Variants in PLAC9 observed in about 807,000 individuals in gnomAD.
PLAC9 encodes the protein placenta-specific protein 9.
In PLAC9, 12 loss-of-function variants were observed where a neutral mutation model predicts 11.5. That is an observed-to-expected ratio of 1.05 (90% CI 0.67 to 1.69). PLAC9 has a LOEUF of 1.69. Among genes scored for constraint, PLAC9 ranks in the 40% most tolerant of loss-of-function variants. PLAC9 has a pLI of 0.00. For missense variants in PLAC9, 132 were observed against 130.5 expected, an observed-to-expected ratio of 1.01 and a Z score of -0.06; for synonymous variants, 62 against 58.1, an observed-to-expected ratio of 1.07 and a Z score of -0.31.
chr10:80,132,610 T>C (rs1471605010), upstream of PLAC9: 6 of 545,490 alleles, frequency 1.1e-5, no homozygotes, highest in Non-Finnish European at 1.8e-5. Context: ...CCGAGGGGCC[T>C]CTGGAGGGGG....
At position 80,135,042 on chromosome 10, in the gene PLAC9, T is replaced by C. The variant is rs557225203; in HGVS notation, c.64+2216T>C. On this transcript the variant is annotated intron_variant, in intron 1 of 3. Transcript: ENST00000372263. The stretch of plus-strand genomic sequence containing the variant: ...TATTTATTTATTTATTTATTTGAGA[T>C]GGAGTCTCGCTCTGTCTCCCAGGCT... 1.9e-4 allele frequency among the ~76,000 whole-genome samples: 17 copies of C among 88,836 alleles called. No individual in the cohort carries two copies. The South Asian group carries it at 2.5e-3, about 13-fold the overall frequency. The allele number at this position is 88,836 out of a possible 152,430, so 58.3% of individuals were successfully genotyped here.
chr10:80,145,339 G>A lies in PLAC9; in HGVS notation c.*429G>A, dbSNP rs1845091321. 4.1e-6 allele frequency: 1 copy of A among 244,318 alleles called. No individual in the cohort carries two copies. The allele number at this position is 244,318 out of a possible 1,614,324, so 15.1% of individuals were successfully genotyped here. ...GGGATTTTATGTGTCCATTAAAGTGGTTTGTTGTTGTTTTTAAAAATTTTT... is the reference window on the plus strand; with the variant it reads ...GGGATTTTATGTGTCCATTAAAGTGATTTGTTGTTGTTTTTAAAAATTTTT... On this transcript the variant is annotated 3_prime_UTR_variant, in exon 4 of 4. Coordinates refer to ENST00000372263, the MANE Select transcript of PLAC9 (RefSeq NM_001012973.3).
rs1303986628 is a variant in PLAC9, at chr10:80,132,799, C to T, written c.37C>T (p.Leu13=). The T allele has an allele frequency of 4.0e-6, 6 of 1,498,930 alleles. No homozygotes were observed. The highest frequency in any genetic ancestry group is 5.3e-6 in the Non-Finnish European group (6 of 1,131,798). The allele number at this position is 1,498,930 out of a possible 1,614,324, so 92.9% of individuals were successfully genotyped here. Residue 13 remains leucine (L), a synonymous_variant, in exon 1 of 4, where the codon CTG becomes TTG. Transcript: ENST00000372263. ...PLLCALTGLA[L]LRAAGSLAAA... ...GCTCTGCGCGCTGACCGGACTGGCC[C>T]TGCTCCGCGCCGCGGGCTCTTTGGC... is the stretch of plus-strand genomic sequence containing the variant.
chr10:80,132,311 G>A (rs1412939497), upstream of PLAC9, among the ~76,000 whole-genome samples: 2 of 152,172 alleles, frequency 1.3e-5, no homozygotes, highest in African/African-American at 2.4e-5. Flanking sequence ...AAACTCCCAG[G>A]AGACAGGGGT....
intron 1 of PLAC9, among the ~76,000 whole-genome samples, chr10:80,135,318 G>C (rs1488850568): frequency 2.5e-5 from 3 of 121,798 alleles, no homozygotes; most frequent in East Asian, 4.9e-4. Flanking sequence ...CACTGCGCCC[G>C]GCCTTTTTTT....
At chr10:80,132,918 C>T (rs1844929836) in intron 1 of PLAC9, 92 bp downstream of exon 1, 4 of 1,131,560 alleles carry the variant, frequency 3.5e-6, no homozygotes, top group East Asian at 3.1e-5. Context: ...GGAGAGAGAG[C>T]TGGACACAGC....
At chr10:80,142,206 C>A in intron 2 of PLAC9, 27 bp downstream of exon 2, 3 of 1,560,168 alleles carry the variant, frequency 1.9e-6, no homozygotes, top group Non-Finnish European at 2.6e-6. Flanking sequence ...GAAGGACATG[C>A]GAGTTCAGGA....
chr10:80,139,870 C>A (rs548488378), intron 1 of PLAC9, among the ~76,000 whole-genome samples: 1 of 152,040 alleles, frequency 6.6e-6, no homozygotes. Flanking sequence ...ATTACAGGCA[C>A]GAGCTACCAT....
At position 80,142,313 on chromosome 10, in the gene PLAC9, C is replaced by G. The variant is rs558306147; in HGVS notation, c.162+134C>G. 2.9e-4 allele frequency: 190 copies of G among 665,678 alleles called. No homozygotes were observed. The African/African-American group carries it at 3.1e-3, about 11-fold the overall frequency. 41.2% of individuals were successfully genotyped at this position (665,678 alleles called of 1,614,324 possible). On this transcript the variant is annotated intron_variant, in intron 2 of 3. Coordinates refer to ENST00000372263, the MANE Select transcript of PLAC9 (RefSeq NM_001012973.3). The stretch of plus-strand genomic sequence containing the variant: ...CCTGCCCTGTGGCCACCTCGTCCAA[C>G]ATCACCCTCCCATCTAGGCTGCCGG...
chr10:80,136,575 G>A (rs147929840), intron 1 of PLAC9, among the ~76,000 whole-genome samples: 3 of 152,136 alleles, frequency 2.0e-5, no homozygotes, highest in Admixed American at 6.5e-5. Context: ...GGGCTCAAGC[G>A]ATTCTCCCGC....
At position 80,144,987 on chromosome 10, in the gene PLAC9, G is replaced by A. The variant is rs115345620; in HGVS notation, c.*77G>A. 3.3e-6 allele frequency: 5 copies of A among 1,512,054 alleles called. No individual in the cohort carries two copies. The highest frequency in any genetic ancestry group is 2.4e-5 in the East Asian group (1 of 41,238). The allele number at this position is 1,512,054 out of a possible 1,614,324, so 93.7% of individuals were successfully genotyped here. ...CCCACAGAACCAGCCCTGTCCTCTC[G>A]ACTTCCTTCCTTAGCTTCATGTGAA... On this transcript the variant is annotated 3_prime_UTR_variant, in exon 4 of 4. Coordinates refer to ENST00000372263, the MANE Select transcript of PLAC9 (RefSeq NM_001012973.3).
intron 2 of PLAC9, among the ~76,000 whole-genome samples, chr10:80,142,626 A>C (rs987467485): frequency 2.0e-5 from 3 of 152,236 alleles, no homozygotes; most frequent in African/African-American, 7.2e-5. Flanking sequence ...CTAGTTATGA[A>C]TATCTCAACA....
intron 1 of PLAC9, among the ~76,000 whole-genome samples, chr10:80,137,913 TAAA>T (rs1233192428): frequency 1.2e-4 from 13 of 112,288 alleles, no homozygotes; most frequent in Non-Finnish European, 1.1e-4. Flanking sequence ...AGACCCTGTC[TAAA>T]AAAAAAAAAA....
chr10:80,145,173 C>A lies in PLAC9; in HGVS notation c.*263C>A. The A allele has an allele frequency of 3.2e-6, 2 of 616,352 alleles. No individual in the cohort carries two copies. Among genetic ancestry groups the A allele is most frequent in the Admixed American group, 3.0e-5 (1 of 33,844 alleles). 38.2% of individuals were successfully genotyped at this position (616,352 alleles called of 1,614,324 possible). The stretch of plus-strand genomic sequence containing the variant: ...CTGTCATTTATAGGGGCAGATGGAG[C>A]AGGGGTTGATTCACACAGATGGGGG... On this transcript the variant is annotated 3_prime_UTR_variant, in exon 4 of 4. Transcript: ENST00000372263.
rs1340174117 is a variant in PLAC9 at position 80,144,247 on chromosome 10, C to T, written c.187C>T (p.Leu63=). The T allele has an allele frequency of 3.7e-6, 6 of 1,614,140 alleles. No individual in the cohort carries two copies. In the South Asian group the frequency reaches 5.5e-5, roughly 15 times the overall value. The change falls in exon 3 of 4, where the codon CTG becomes TTG. Residue 63 remains leucine (L), a synonymous_variant. Coordinates refer to ENST00000372263, the MANE Select transcript of PLAC9 (RefSeq NM_001012973.3). Reference sequence around the variant, plus strand: ...GATGGTAGAGAAGACCGTGGATCACCTGGGGACAGAGGTGAAAGGCCTGCT... The same window carrying T: ...GATGGTAGAGAAGACCGTGGATCACTTGGGGACAGAGGTGAAAGGCCTGCT... ...EEMVEKTVDH[L]GTEVKGLLGL...
intron 1 of PLAC9, among the ~76,000 whole-genome samples, chr10:80,141,450 T>C (rs1253337435): frequency 6.6e-6 from 1 of 151,920 alleles, no homozygotes; most frequent in Non-Finnish European, 1.5e-5. Flanking sequence ...AATACAAAAA[T>C]TAGCAGGGCG....
rs1327369739 is a variant in PLAC9 at position 80,144,483 on chromosome 10, C to A, written c.283+140C>A. 8.8e-6 allele frequency: 11 copies of A among 1,251,124 alleles called. No homozygotes were observed. The East Asian group carries it at 1.5e-4, about 18-fold the overall frequency. The allele number at this position is 1,251,124 out of a possible 1,614,324, so 77.5% of individuals were successfully genotyped here. A position where few individuals can be genotyped will look rare whatever the true frequency, so the allele number is the denominator to read the frequency against. ...CCCCAGCGCTCCCTGGGGACGGAAG[C>A]GGGACGGCATCATCCCTGCTCCCCG... On this transcript the variant is annotated intron_variant, in intron 3 of 3. Coordinates refer to ENST00000372263, the MANE Select transcript of PLAC9 (RefSeq NM_001012973.3).
intron 1 of PLAC9, among the ~76,000 whole-genome samples, chr10:80,140,858 C>T (rs143258174): frequency 1.2e-3 from 184 of 152,252 alleles, no homozygotes; most frequent in Non-Finnish European, 2.2e-3. Context: ...CCTCTTGTTC[C>T]TCCTGTGATT....
chr10:80,143,211 T>C (rs1021790850), intron 2 of PLAC9, among the ~76,000 whole-genome samples: 1 of 149,074 alleles, frequency 6.7e-6, no homozygotes, highest in Non-Finnish European at 1.5e-5. Flanking sequence ...GCTAATTTTT[T>C]GTACTTACCA....
Sources: allele counts gnomAD v4.1 joint callset (sites outside exome capture counted in the v4.1 genomes callset), GRCh38; gene constraint gnomAD v4.1.1; transcripts MANE v1.5; gene names NCBI Gene and HGNC (gene_info 2026-07-23, HGNC 2026-07-21).